FGF1: variants seen among roughly 807,000 people sequenced by gnomAD.
The protein encoded by FGF1 is beta-endothelial cell growth factor.
In FGF1, 9 loss-of-function variants were observed where a neutral mutation model predicts 13.4. The observed-to-expected ratio is 0.67, with a 90% CI of 0.40 to 1.17. The LOEUF is 1.17. FGF1 is among the 50% of genes most tolerant of loss of function. The probability of loss-of-function intolerance (pLI) is 0.01; values close to 1 mark genes in which losing one functional copy is unlikely to be tolerated. For missense variants in FGF1, 156 were observed against 192.7 expected (o/e 0.81, Z 1.13); for synonymous variants, 93 against 79.0 (o/e 1.18, Z -0.94).
At chr5:142,614,635 T>A (rs1053763879) in intron 1 of FGF1, among the ~76,000 whole-genome samples, 1 of 152,130 alleles carries the variant, frequency 6.6e-6, no homozygotes, top group Non-Finnish European at 1.5e-5. Context: ...ATAGCACAGA[T>A]GGCCTGGACG....
intron 2 of FGF1, among the ~76,000 whole-genome samples, chr5:142,693,453 G>A (rs773517936): frequency 2.6e-5 from 4 of 151,778 alleles, no homozygotes; most frequent in Non-Finnish European, 5.9e-5. Flanking sequence ...CACCACACCC[G>A]GCTAATTTTT....
chr5:142,644,307 C>G (rs896188822), intron 1 of FGF1: 3 of 152,238 alleles, frequency 2.0e-5, no homozygotes, highest in African/African-American at 7.2e-5. Flanking sequence ...TTTGAGACAG[C>G]CTTCTCCTCC....
At chr5:142,616,968 T>C (rs1007367084) in intron 1 of FGF1, among the ~76,000 whole-genome samples, 11 of 152,256 alleles carry the variant, frequency 7.2e-5, no homozygotes, top group African/African-American at 2.2e-4. Context: ...TAGTCATTTG[T>C]ATTGTCAATC....
At chr5:142,624,743 T>C (rs34022) in intron 1 of FGF1, among the ~76,000 whole-genome samples, 104,184 of 152,106 alleles carry the variant, frequency 0.68, 36,079 homozygotes, top group African/African-American at 0.77. Flanking sequence ...CAGAATGCTG[T>C]AGACATCCTG....
intron 1 of FGF1, among the ~76,000 whole-genome samples, chr5:142,632,836 G>C (rs1048146221): frequency 6.6e-6 from 1 of 151,938 alleles, no homozygotes; most frequent in Non-Finnish European, 1.5e-5. Flanking sequence ...GGTTGTAATG[G>C]TTGTAATGGT....
intron 1 of FGF1, among the ~76,000 whole-genome samples, chr5:142,630,697 A>C (rs953244968): frequency 1.3e-5 from 2 of 151,890 alleles, no homozygotes; most frequent in African/African-American, 4.8e-5. Flanking sequence ...GCCTTCCTAC[A>C]AATTGGTCCC....
intron 2 of FGF1, among the ~76,000 whole-genome samples, chr5:142,695,828 A>G (rs541565237): frequency 1.7e-4 from 26 of 152,318 alleles, no homozygotes; most frequent in Non-Finnish European, 2.9e-4. Flanking sequence ...CTTAAAGAAC[A>G]TATAAACAGT....
At chr5:142,665,832 G>A (rs1045787777) in intron 1 of FGF1, among the ~76,000 whole-genome samples, 5 of 152,176 alleles carry the variant, frequency 3.3e-5, no homozygotes, top group Non-Finnish European at 7.3e-5. Flanking sequence ...CCTTTGGGGA[G>A]GCTGGAGAGG....
At chr5:142,658,404 T>A (rs1479436350) in intron 1 of FGF1, among the ~76,000 whole-genome samples, 2 of 152,244 alleles carry the variant, frequency 1.3e-5, no homozygotes, top group African/African-American at 4.8e-5. Context: ...TCACATTTCC[T>A]GTTATTTCTC....
chr5:142,631,779 C>CTTT (rs34929420), intron 1 of FGF1, among the ~76,000 whole-genome samples: 46 of 92,918 alleles, frequency 5.0e-4, no homozygotes, highest in East Asian at 4.6e-3. Context: ...TTTAAATTAG[C>CTTT]TTTTTTTTTT....
In FGF1 at chr5:142,695,539, A is replaced by G. The variant is rs539686665; in HGVS notation, c.-35+2083T>C. ...GGAGGTTGCAGTGAGCCAAGATCTC[A>G]CCATTGCACTCCAACCTGGGTGACA... On this transcript the variant is annotated intron_variant, in intron 2 of 4. Transcript: ENST00000407758. 2.2e-3 allele frequency among the ~76,000 whole-genome samples: 326 copies of G among 149,720 alleles called. 2 individuals carry two copies. The highest frequency in any genetic ancestry group is 3.4e-3 in the Non-Finnish European group (231 of 67,748).
chr5:142,599,527 A>T (rs1158287568), intron 3 of FGF1, among the ~76,000 whole-genome samples: 1 of 152,170 alleles, frequency 6.6e-6, no homozygotes, highest in Non-Finnish European at 1.5e-5. Flanking sequence ...AAAGGGAGGA[A>T]AGGGGTGTGG....
At chr5:142,613,314 G>C (rs1423594816) in intron 2 of FGF1, among the ~76,000 whole-genome samples, 1 of 152,222 alleles carries the variant, frequency 6.6e-6, no homozygotes, top group Non-Finnish European at 1.5e-5. Context: ...ACACCTCTGA[G>C]AACCGGGCTG....
At chr5:142,629,555 C>A (rs1378406960) in intron 1 of FGF1, among the ~76,000 whole-genome samples, 1 of 152,156 alleles carries the variant, frequency 6.6e-6, no homozygotes, top group Non-Finnish European at 1.5e-5. Flanking sequence ...AGGAAGCCCT[C>A]CTGACTTCCT....
chr5:142,638,490 G>A (rs1158958254), intron 1 of FGF1, among the ~76,000 whole-genome samples: 1 of 151,996 alleles, frequency 6.6e-6, no homozygotes, highest in Admixed American at 6.5e-5. Flanking sequence ...CATAATATGT[G>A]CTTAATAAAT....
upstream of FGF1, among the ~76,000 whole-genome samples, chr5:142,688,287 C>T (rs1483351444): frequency 6.6e-6 from 1 of 152,086 alleles, no homozygotes; most frequent in Non-Finnish European, 1.5e-5. Flanking sequence ...ATTATAATAT[C>T]CTTCAATTTC....
At position 142,605,743 on chromosome 5, in the gene FGF1, T is replaced by G. The variant is rs569788523; in HGVS notation, c.170-4938A>C. 2.0e-5 allele frequency among the ~76,000 whole-genome samples: 3 copies of G among 152,338 alleles called. No individual in the cohort carries two copies. The South Asian group carries it at 6.2e-4, about 32-fold the overall frequency. On this transcript the variant is annotated intron_variant, in intron 2 of 3. Coordinates refer to ENST00000337706, the MANE Select transcript of FGF1 (RefSeq NM_000800.5). ...CATTTTCACTAGATTTCTTTCTGGC[T>G]AAGTTTCCTAAACATATATCCTTCT...
intron 1 of FGF1, among the ~76,000 whole-genome samples, chr5:142,682,709 A>G (rs1181772267): frequency 3.3e-5 from 5 of 152,216 alleles, no homozygotes; most frequent in Non-Finnish European, 7.3e-5. Flanking sequence ...TTAAAGACAG[A>G]GAAATGTTTT....
intron 3 of FGF1, among the ~76,000 whole-genome samples, chr5:142,595,971 G>T (rs1449170564): frequency 6.6e-6 from 1 of 152,160 alleles, no homozygotes; most frequent in Non-Finnish European, 1.5e-5. Flanking sequence ...TAACTTGAAG[G>T]CTAGACTTAA....
Sources: allele counts gnomAD v4.1 joint callset (sites outside exome capture counted in the v4.1 genomes callset), GRCh38; gene constraint gnomAD v4.1.1; transcripts MANE v1.5; gene names NCBI Gene and HGNC (gene_info 2026-07-23, HGNC 2026-07-21).